The following SNTB2 variants were observed in gnomAD, a reference collection of about 807,000 sequenced individuals.
The protein encoded by SNTB2 is beta-2-syntrophin.
SNTB2 carries 34 observed loss-of-function variants against 46.2 expected under a neutral mutation model. That is an observed-to-expected ratio of 0.74 (90% CI 0.56 to 0.98). SNTB2 has a LOEUF of 0.98. Ranked by LOEUF, SNTB2 falls within the 50% of genes least tolerant of loss-of-function variation. The pLI, the probability that SNTB2 is intolerant of heterozygous loss-of-function variation, is 0.00. For missense variants in SNTB2, 603 were observed against 731.4 expected, an observed-to-expected ratio of 0.82 and a Z score of 2.02; for synonymous variants, 290 against 312.6, an observed-to-expected ratio of 0.93 and a Z score of 0.76.
chr16:69,205,158 CTTT>C (rs1167359330), intron 1 of SNTB2, among the ~76,000 whole-genome samples: 1 of 137,846 alleles, frequency 7.3e-6, no homozygotes, highest in Non-Finnish European at 1.6e-5. Flanking sequence ...TAACAGAATT[CTTT>C]TTTTTTTTTT....
chr16:69,242,877 C>T (rs541308909), intron 1 of SNTB2, among the ~76,000 whole-genome samples: 4 of 152,104 alleles, frequency 2.6e-5, no homozygotes, highest in African/African-American at 7.2e-5. Context: ...AAAAATTAGC[C>T]GGGCGTGGTG....
At chr16:69,245,395 A>T (rs1226265394) in intron 1 of SNTB2, among the ~76,000 whole-genome samples, 1 of 151,982 alleles carries the variant, frequency 6.6e-6, no homozygotes, top group African/African-American at 2.4e-5. Flanking sequence ...GGGTTTCACT[A>T]CGTTGACCAG....
intron 5 of SNTB2, among the ~76,000 whole-genome samples, chr16:69,295,540 G>A (rs188452657): frequency 4.6e-5 from 7 of 152,022 alleles, no homozygotes; most frequent in East Asian, 3.9e-4. Flanking sequence ...GAGCCACCGC[G>A]CCCAGCCAAC....
At chr16:69,233,796 G>T (rs1158229436) in intron 1 of SNTB2, among the ~76,000 whole-genome samples, 1 of 151,860 alleles carries the variant, frequency 6.6e-6, no homozygotes, top group Non-Finnish European at 1.5e-5. Context: ...AACATAGCAA[G>T]ACCCCACTGT....
At chr16:69,243,405 C>G (rs185727139) in intron 1 of SNTB2, among the ~76,000 whole-genome samples, 1 of 152,164 alleles carries the variant, frequency 6.6e-6, no homozygotes, top group Non-Finnish European at 1.5e-5. Flanking sequence ...AGATAAAATT[C>G]ATTGCTCTTT....
chr16:69,204,454 TAAG>T (rs763790295), intron 1 of SNTB2, among the ~76,000 whole-genome samples: 40 of 152,338 alleles, frequency 2.6e-4, no homozygotes, highest in South Asian at 6.2e-4. Context: ...CAGTAGTTAT[TAAG>T]AAGTCAGGCT....
chr16:69,267,977 T>C (rs1964902159), intron 3 of SNTB2, among the ~76,000 whole-genome samples: 1 of 152,220 alleles, frequency 6.6e-6, no homozygotes, highest in South Asian at 2.1e-4. Context: ...CTTGCTCAAA[T>C]GTCTCCTGAG....
intron 2 of SNTB2, among the ~76,000 whole-genome samples, chr16:69,253,738 C>T (rs540320246): frequency 2.0e-5 from 3 of 152,202 alleles, no homozygotes; most frequent in Non-Finnish European, 2.9e-5. Context: ...CCAGTGGTCC[C>T]GGTATCTACT....
At chr16:69,292,423 T>C (rs1965179551) in intron 5 of SNTB2, among the ~76,000 whole-genome samples, 2 of 21,732 alleles carry the variant, frequency 9.2e-5, no homozygotes, top group Non-Finnish European at 1.5e-4. Flanking sequence ...ATATATTATA[T>C]ATATATATAT....
rs866597694 is a variant in SNTB2 at position 69,187,566 on chromosome 16, C to A, written c.400C>A (p.Arg134Ser). The A allele has an allele frequency of 1.3e-6, 2 of 1,510,088 alleles. No individual in the cohort carries two copies. Among genetic ancestry groups the A allele is most frequent in the East Asian group, 5.5e-5 (2 of 36,252 alleles). 93.5% of individuals were successfully genotyped at this position (1,510,088 alleles called of 1,614,324 possible). A position where few individuals can be genotyped will look rare whatever the true frequency, so the allele number is the denominator to read the frequency against. Residue 134 changes from arginine to serine, a missense_variant, in exon 1 of 7, where the codon CGC (arginine) becomes AGC (serine). Arg to Ser is a moderately radical substitution (Grantham distance 110, BLOSUM62 -1). This residue lies in a region of SNTB2 where 537 missense variants were observed against 692.4 expected (regional missense o/e 0.78). Transcript: ENST00000336278. ...CCTGGGCATCAGCATCAAGGGCGGC[C>A]GCGAGAACCGGATGCCGATCCTCAT... ...GGLGISIKGG[R>S]ENRMPILISK...
intron 1 of SNTB2, among the ~76,000 whole-genome samples, chr16:69,192,188 C>G (rs1031999331): frequency 2.0e-5 from 3 of 152,258 alleles, no homozygotes. Context: ...AAAAGTAATC[C>G]AAGCCAGAGG....
chr16:69,214,888 G>C (rs997765828), intron 1 of SNTB2, among the ~76,000 whole-genome samples: 2 of 151,602 alleles, frequency 1.3e-5, no homozygotes, highest in African/African-American at 4.9e-5. Context: ...CTGTCACCCA[G>C]GCTGGAGTGC....
In SNTB2 at chr16:69,263,496, A is replaced by T. The variant is rs114944208; in HGVS notation, c.1005+3236A>T. 3.0e-3 allele frequency among the ~76,000 whole-genome samples: 445 copies of T among 150,154 alleles called. 1 individual carries two copies. Among genetic ancestry groups the T allele is most frequent in the African/African-American group, 0.01 (422 of 40,766 alleles). On this transcript the variant is annotated intron_variant, in intron 3 of 6. Transcript: ENST00000336278. ...TGCAATGATACAATCTTGGCTCACTACTATCTCCGCCTCCCAGGTTCAAGC... is the reference window on the plus strand; with the variant it reads ...TGCAATGATACAATCTTGGCTCACTTCTATCTCCGCCTCCCAGGTTCAAGC...
In SNTB2 at chr16:69,260,110, A is replaced by G. The variant is rs1418960012; in HGVS notation, c.855A>G (p.Thr285=). The G allele has an allele frequency of 1.2e-6, 2 of 1,613,830 alleles. No individual in the cohort carries two copies. The highest frequency in any genetic ancestry group is 2.7e-5 in the African/African-American group (2 of 74,844). Residue 285 remains threonine (T), a synonymous_variant, in exon 3 of 7, where the codon ACA becomes ACG. Coordinates refer to ENST00000336278, the MANE Select transcript of SNTB2 (RefSeq NM_006750.4). The part of the protein sequence containing the change: ...RNTLILRCKD[T]ATAHSWFVAI... Reference sequence around the variant, plus strand: ...CGTTGATCCTACGCTGCAAAGATACAGCCACAGCACACTCCTGGTTCGTAG... The same window carrying G: ...CGTTGATCCTACGCTGCAAAGATACGGCCACAGCACACTCCTGGTTCGTAG...
At chr16:69,249,404 A>G (rs1460751511) in intron 2 of SNTB2, among the ~76,000 whole-genome samples, 1 of 152,166 alleles carries the variant, frequency 6.6e-6, no homozygotes, top group African/African-American at 2.4e-5. Flanking sequence ...AACGTTATAA[A>G]GTTTCTGTAG....
At chr16:69,270,490 C>A (rs550727334) in intron 4 of SNTB2, among the ~76,000 whole-genome samples, 1 of 152,108 alleles carries the variant, frequency 6.6e-6, no homozygotes, top group Non-Finnish European at 1.5e-5. Flanking sequence ...TTATAATGAG[C>A]GTTTTTGTGT....
chr16:69,226,882 C>T (rs540134640), intron 1 of SNTB2, among the ~76,000 whole-genome samples: 1 of 152,230 alleles, frequency 6.6e-6, no homozygotes, highest in Admixed American at 6.5e-5. Context: ...ATTCAGAAGC[C>T]ATTTGTTTAA....
At position 69,307,192 on chromosome 16, in the gene SNTB2, C is replaced by T. The variant is rs889773842; in HGVS notation, c.*6268C>T. 1 of 152,200 alleles carries T rather than the reference C, an allele frequency of 6.6e-6. No homozygotes were observed. Among genetic ancestry groups the T allele is most frequent in the Non-Finnish European group, 1.5e-5 (1 of 68,040 alleles). 9.4% of individuals were successfully genotyped at this position (152,200 alleles called of 1,614,324 possible). ...TCCGTTATTTCTCAGCACACCATGC[C>T]ATCTGTTTATCATTCAGCAGTTAAG... On this transcript the variant is annotated 3_prime_UTR_variant, in exon 7 of 7. Transcript: ENST00000336278.
At chr16:69,253,061 A>G (rs1049449162) in intron 2 of SNTB2, among the ~76,000 whole-genome samples, 1 of 151,726 alleles carries the variant, frequency 6.6e-6, no homozygotes, top group Non-Finnish European at 1.5e-5. Context: ...CACCACGCCC[A>G]GCTAATTTTT....
Sources: gnomAD v4.1 joint callset for allele counts (sites outside exome capture counted in the v4.1 genomes callset) on GRCh38, gnomAD v4.1.1 for gene constraint, gnomAD v4.1.1 regional missense constraint, MANE v1.5 for transcripts, NCBI Gene and HGNC (gene_info 2026-07-23, HGNC 2026-07-21) for gene names.